TNFSF4: variants seen among roughly 807,000 people sequenced by gnomAD.
TNFSF4 encodes the protein tumor necrosis factor ligand superfamily member 4.
TNFSF4 carries 4 observed loss-of-function variants against 7.3 expected under a neutral mutation model. The observed-to-expected ratio is 0.55, with a 90% CI of 0.27 to 1.25. The LOEUF (loss-of-function observed/expected upper bound fraction) is 1.25. TNFSF4 is among the 50% of genes most tolerant of loss of function. The probability of loss-of-function intolerance (pLI) is 0.12; values close to 1 mark genes in which losing one functional copy is unlikely to be tolerated. For synonymous variants in TNFSF4, 76 were observed against 83.7 expected (o/e 0.91, Z 0.50); for missense variants, 181 against 208.8 (o/e 0.87, Z 0.82).
At chr1:173,216,033 G>A in the TNFSF4 span, among the ~76,000 whole-genome samples, 1 of 152,294 alleles carries the variant, frequency 6.6e-6, no homozygotes, top group African/African-American at 2.4e-5. Context: ...GCATCCACAT[G>A]AAATTTGAAA....
chr1:173,420,321 C>G, the TNFSF4 span, among the ~76,000 whole-genome samples: 4 of 152,222 alleles, frequency 2.6e-5, no homozygotes, highest in Non-Finnish European at 5.9e-5. Context: ...ATGGACTTCA[C>G]CATTTTCTCT....
At chr1:173,232,314 A>G in the TNFSF4 span, among the ~76,000 whole-genome samples, 2 of 152,302 alleles carry the variant, frequency 1.3e-5, no homozygotes, top group Admixed American at 1.3e-4. Context: ...TTGTACATTG[A>G]TTTTGTATCC....
chr1:173,306,430 G>C, the TNFSF4 span, among the ~76,000 whole-genome samples: 1 of 151,938 alleles, frequency 6.6e-6, no homozygotes, highest in Non-Finnish European at 1.5e-5. Flanking sequence ...CTCAGGGACT[G>C]GAGTGAGATG....
chr1:173,256,425 A>G, the TNFSF4 span, among the ~76,000 whole-genome samples: 6 of 152,170 alleles, frequency 3.9e-5, no homozygotes, highest in Non-Finnish European at 7.4e-5. Flanking sequence ...TTATAAGAGC[A>G]CTGATTTCTC....
chr1:173,250,511 G>C, the TNFSF4 span, among the ~76,000 whole-genome samples: 5 of 151,130 alleles, frequency 3.3e-5, no homozygotes, highest in African/African-American at 4.9e-5. Flanking sequence ...CCGGGCTGGA[G>C]TGCAGTGGCG....
chr1:173,343,588 A>G, the TNFSF4 span, among the ~76,000 whole-genome samples: 3 of 152,324 alleles, frequency 2.0e-5, no homozygotes, highest in South Asian at 4.1e-4. Context: ...GGCTCAGATT[A>G]TACTTCTTCC....
chr1:173,296,310 T>C, the TNFSF4 span, among the ~76,000 whole-genome samples: 1 of 152,016 alleles, frequency 6.6e-6, no homozygotes, highest in African/African-American at 2.4e-5. Flanking sequence ...ATTTCAGTTC[T>C]ACCCAACAAA....
At chr1:173,302,059 C>A in the TNFSF4 span, among the ~76,000 whole-genome samples, 3,130 of 151,892 alleles carry the variant, frequency 0.021, 103 homozygotes, top group African/African-American at 0.071. Flanking sequence ...ACTTTTTAAA[C>A]GGCCTTTAAT....
the TNFSF4 span, among the ~76,000 whole-genome samples, chr1:173,384,419 A>T: frequency 7.2e-5 from 11 of 152,198 alleles, no homozygotes; most frequent in Admixed American, 7.2e-4. Context: ...TATTCCCAAG[A>T]GCAGTACACA....
At chr1:173,375,502 T>C in the TNFSF4 span, among the ~76,000 whole-genome samples, 2 of 152,192 alleles carry the variant, frequency 1.3e-5, no homozygotes, top group Non-Finnish European at 2.9e-5. Flanking sequence ...GATTGTAAAA[T>C]GCATCAATCA....
At chr1:173,273,013 C>T in the TNFSF4 span, among the ~76,000 whole-genome samples, 2 of 152,126 alleles carry the variant, frequency 1.3e-5, no homozygotes, top group Non-Finnish European at 2.9e-5. Flanking sequence ...TAAGCGGAAT[C>T]AGTTAAGACA....
chr1:173,401,014 G>A, the TNFSF4 span, among the ~76,000 whole-genome samples: 1 of 145,168 alleles, frequency 6.9e-6, no homozygotes, highest in South Asian at 2.2e-4. Flanking sequence ...ATACAATTGT[G>A]TGTGTGCATA....
At chr1:173,351,696 G>A in the TNFSF4 span, 1 of 351,804 alleles carries the variant, frequency 2.8e-6, no homozygotes, top group Non-Finnish European at 5.1e-6. Flanking sequence ...CCATATCAAT[G>A]TTCAATCCAT....
At chr1:173,173,701 G>A in the TNFSF4 span, among the ~76,000 whole-genome samples, 16 of 152,332 alleles carry the variant, frequency 1.1e-4, no homozygotes, top group Admixed American at 1.3e-4. Flanking sequence ...AAGCAAGGGC[G>A]TGAGCTGTAC....
the TNFSF4 span, among the ~76,000 whole-genome samples, chr1:173,405,324 A>G: frequency 6.6e-6 from 1 of 152,212 alleles, no homozygotes; most frequent in Admixed American, 6.5e-5. Context: ...AGGCACTGCA[A>G]CTCAAATGTA....
chr1:173,409,716 T>G, the TNFSF4 span, among the ~76,000 whole-genome samples: 3 of 152,304 alleles, frequency 2.0e-5, no homozygotes, highest in Admixed American at 2.0e-4. Flanking sequence ...TTTTCTGGCA[T>G]AAAAATATGA....
At chr1:173,313,280 A>G in the TNFSF4 span, among the ~76,000 whole-genome samples, 3 of 152,124 alleles carry the variant, frequency 2.0e-5, no homozygotes, top group Admixed American at 1.3e-4. Flanking sequence ...TTATATGGAT[A>G]TATTAGATAC....
At chr1:173,307,985 G>C in the TNFSF4 span, among the ~76,000 whole-genome samples, 1 of 151,896 alleles carries the variant, frequency 6.6e-6, no homozygotes, top group African/African-American at 2.4e-5. Context: ...GGAGCACCTG[G>C]TCAGTGTTAT....
chr1:173,420,543 CTT>C, the TNFSF4 span, among the ~76,000 whole-genome samples: 387 of 151,514 alleles, frequency 2.6e-3, 4 homozygotes, highest in African/African-American at 7.7e-3. Flanking sequence ...CAGTAAAGGC[CTT>C]TTTTTTTCCT....
Sources: gnomAD v4.1 joint callset for allele counts (sites outside exome capture counted in the v4.1 genomes callset) on GRCh38, gnomAD v4.1.1 for gene constraint, MANE v1.5 for transcripts, NCBI Gene and HGNC (gene_info 2026-07-23, HGNC 2026-07-21) for gene names.